Variants in PRDM16 observed in about 807,000 individuals in gnomAD.
PRDM16 encodes the protein PR/SET domain 16.
PRDM16 carries 23 observed loss-of-function variants against 110.6 expected under a neutral mutation model. That is an observed-to-expected ratio of 0.21 (90% CI 0.15 to 0.29). PRDM16 has a LOEUF of 0.29. PRDM16 is among the 10% of genes least tolerant of loss of function. The probability of loss-of-function intolerance (pLI) is 1.00; values close to 1 mark genes in which losing one functional copy is unlikely to be tolerated. For synonymous variants in PRDM16, 799 were observed against 781.8 expected, an observed-to-expected ratio of 1.02 and a Z score of -0.37; for missense variants, 1,615 against 1,794.3, an observed-to-expected ratio of 0.90 and a Z score of 1.81.
At chr1:3,254,855 C>A (rs1640010967) in intron 3 of PRDM16, among the ~76,000 whole-genome samples, 2 of 152,168 alleles carry the variant, frequency 1.3e-5, no homozygotes, top group African/African-American at 4.8e-5. Context: ...CCAAGTCAAT[C>A]CTAAGCCAAA....
rs2100231357 is a variant in PRDM16 at position 3,255,229 on chromosome 1, T to C, written c.438+11092T>C. 6.6e-6 allele frequency among the ~76,000 whole-genome samples: 1 copy of C among 152,184 alleles called. No homozygotes were observed. The highest frequency in any genetic ancestry group is 6.5e-5 in the Admixed American group (1 of 15,296). On this transcript the variant is annotated intron_variant, in intron 3 of 16. Transcript: ENST00000270722. The surrounding 1 kb of genome is among the most constrained non-coding windows in gnomAD (Gnocchi z 4.7). The stretch of plus-strand genomic sequence containing the variant: ...CTAGAAGAAAACCTAGGCATTACCA[T>C]TCAGGACATAGGCATGGGCAAGGAC...
intron 2 of PRDM16, among the ~76,000 whole-genome samples, chr1:3,226,245 T>G (rs1639286714): frequency 1.3e-5 from 2 of 152,194 alleles, no homozygotes; most frequent in African/African-American, 4.8e-5. Flanking sequence ...TTTTACAACC[T>G]AATAAAATTT....
At chr1:3,279,108 A>G (rs1235556695) in intron 3 of PRDM16, among the ~76,000 whole-genome samples, 1 of 152,244 alleles carries the variant, frequency 6.6e-6, no homozygotes, top group African/African-American at 2.4e-5. Context: ...AGCTGCCACC[A>G]ATAGCCACGT....
intron 1 of PRDM16, among the ~76,000 whole-genome samples, chr1:3,172,798 G>A (rs1644040985): frequency 6.6e-6 from 1 of 152,218 alleles, no homozygotes; most frequent in Non-Finnish European, 1.5e-5. Flanking sequence ...GGGAGGGGAT[G>A]GAGAGTGTCT....
intron 1 of PRDM16, among the ~76,000 whole-genome samples, chr1:3,099,400 A>G (rs1375473061): frequency 1.3e-5 from 2 of 152,220 alleles, no homozygotes; most frequent in Admixed American, 1.3e-4. Context: ...CAGCTACACC[A>G]ATAACCAGCC....
intron 3 of PRDM16, among the ~76,000 whole-genome samples, chr1:3,291,573 C>A (rs1002450259): frequency 2.6e-5 from 4 of 152,026 alleles, no homozygotes; most frequent in African/African-American, 9.7e-5. Context: ...TCCTCCCGCC[C>A]CTGCCCATCC....
intron 10 of PRDM16, among the ~76,000 whole-genome samples, chr1:3,415,897 G>A (rs1159649867): frequency 1.3e-5 from 2 of 152,266 alleles, no homozygotes; most frequent in Non-Finnish European, 2.9e-5. Flanking sequence ...AAGCCCAAGA[G>A]GCCATGCCTG....
At chr1:3,128,373 A>G (rs1643255431) in intron 1 of PRDM16, among the ~76,000 whole-genome samples, 1 of 152,180 alleles carries the variant, frequency 6.6e-6, no homozygotes, top group South Asian at 2.1e-4. Context: ...TGGCATTTAT[A>G]GTATTCGGGG....
chr1:3,129,614 G>A (rs1643292465), intron 1 of PRDM16, among the ~76,000 whole-genome samples: 1 of 152,132 alleles, frequency 6.6e-6, no homozygotes, highest in Non-Finnish European at 1.5e-5. Flanking sequence ...TGGGGACCCG[G>A]GGCCCTTGAA....
intron 1 of PRDM16, among the ~76,000 whole-genome samples, chr1:3,119,604 C>T (rs1004539665): frequency 3.3e-5 from 5 of 152,266 alleles, no homozygotes; most frequent in Admixed American, 6.5e-5. Context: ...GGCTGCTGAT[C>T]GTGACCTGGC....
chr1:3,202,522 G>A (rs1422763379), intron 2 of PRDM16, among the ~76,000 whole-genome samples: 1 of 152,182 alleles, frequency 6.6e-6, no homozygotes, highest in East Asian at 1.9e-4. Context: ...TCGAGCCTAA[G>A]TAGGCCTTTT....
chr1:3,237,089 G>C (rs983150414), intron 2 of PRDM16, among the ~76,000 whole-genome samples: 1 of 152,110 alleles, frequency 6.6e-6, no homozygotes, highest in Admixed American at 6.5e-5. Context: ...TGAGGAGGGA[G>C]ACCCCTTGGG....
intron 1 of PRDM16, among the ~76,000 whole-genome samples, chr1:3,094,413 C>T (rs1183041149): frequency 6.6e-6 from 1 of 152,212 alleles, no homozygotes; most frequent in Non-Finnish European, 1.5e-5. Context: ...CAATGCTGGC[C>T]CGTGGCCCCA....
intron 2 of PRDM16, among the ~76,000 whole-genome samples, chr1:3,188,109 G>A (rs1189654774): frequency 6.6e-6 from 1 of 152,222 alleles, no homozygotes; most frequent in African/African-American, 2.4e-5. Flanking sequence ...GGACCCTCAT[G>A]GGACCAAGGA....
At chr1:3,256,146 G>A (rs115627799) in intron 3 of PRDM16, among the ~76,000 whole-genome samples, 9 of 152,340 alleles carry the variant, frequency 5.9e-5, no homozygotes, top group Non-Finnish European at 1.0e-4. Context: ...CCGGATAAGA[G>A]AAGATAAACT....
At chr1:3,270,749 G>A (rs1640431836) in intron 3 of PRDM16, among the ~76,000 whole-genome samples, 1 of 146,920 alleles carries the variant, frequency 6.8e-6, no homozygotes, top group African/African-American at 2.6e-5. Context: ...AAGGATGACA[G>A]TCAGGAGGAG....
At chr1:3,182,301 G>A (rs113559842) in intron 1 of PRDM16, among the ~76,000 whole-genome samples, 176 of 152,322 alleles carry the variant, frequency 1.2e-3, no homozygotes, top group African/African-American at 3.9e-3. Flanking sequence ...GGAAGGGGTC[G>A]TCGTGTTGGT....
rs750375369 is a variant in PRDM16, at chr1:3,370,731, C to T, written c.439-14421C>T. The stretch of plus-strand genomic sequence containing the variant: ...TGGAATGGTGTTCCCTTGTGTCTCA[C>T]CATACGAAGTTGGGGAAGCCATAAG... On this transcript the variant is annotated intron_variant, in intron 3 of 16. Coordinates refer to ENST00000270722, the MANE Select transcript of PRDM16 (RefSeq NM_022114.4). This position sits in a 1 kb window ranked among gnomAD's most constrained non-coding sequence, Gnocchi z 4.8. 1.3e-5 allele frequency among the ~76,000 whole-genome samples: 2 copies of T among 152,184 alleles called. No individual in the cohort carries two copies. The highest frequency in any genetic ancestry group is 4.1e-4 in the South Asian group (2 of 4,836).
rs910902739 is a variant in PRDM16 at position 3,268,230 on chromosome 1, G to A, written c.438+24093G>A. On this transcript the variant is annotated intron_variant, in intron 3 of 16. Transcript: ENST00000270722. ...TCGGCGCGCGTCAGACCAGGTGCGCGTGGAAGTGTGTTTGTCTCCGCTAAT... is the reference window on the plus strand; with the variant it reads ...TCGGCGCGCGTCAGACCAGGTGCGCATGGAAGTGTGTTTGTCTCCGCTAAT... 5.3e-5 allele frequency among the ~76,000 whole-genome samples: 8 copies of A among 152,342 alleles called. No homozygotes were observed. The East Asian group carries it at 1.2e-3, about 22-fold the overall frequency.
Sources: allele counts gnomAD v4.1 joint callset (sites outside exome capture counted in the v4.1 genomes callset), GRCh38; gene constraint gnomAD v4.1.1; non-coding constraint Gnocchi (gnomAD v3.1); transcripts MANE v1.5; gene names NCBI Gene and HGNC (gene_info 2026-07-23, HGNC 2026-07-21).